VOPP1: variants seen among roughly 807,000 people sequenced by gnomAD.
VOPP1 encodes WW domain binding protein VOPP1.
Under a neutral mutation model 23.5 loss-of-function variants are expected in VOPP1, and 8 were observed. The observed-to-expected ratio is 0.34, with a 90% CI of 0.20 to 0.61. The LOEUF (loss-of-function observed/expected upper bound fraction) is 0.61, where lower values mean the gene tolerates loss of function less well. Ranked by LOEUF, VOPP1 falls within the 20% of genes least tolerant of loss-of-function variation. VOPP1 has a pLI of 0.78. For synonymous variants in VOPP1, 83 were observed against 97.3 expected, an observed-to-expected ratio of 0.85 and a Z score of 0.86; for missense variants, 174 against 238.1, an observed-to-expected ratio of 0.73 and a Z score of 1.77.
At chr7:55,508,443 A>T (rs1033909516) in intron 2 of VOPP1, among the ~76,000 whole-genome samples, 1 of 152,012 alleles carries the variant, frequency 6.6e-6, no homozygotes, top group Non-Finnish European at 1.5e-5. Flanking sequence ...AATTACAAAA[A>T]TTTTTTCTAC....
At chr7:55,516,123 A>C (rs964050115) in intron 2 of VOPP1, 1 of 538,302 alleles carries the variant, frequency 1.9e-6, no homozygotes, top group African/African-American at 2.1e-5. Flanking sequence ...TGTTACTAAG[A>C]GCAGACACCT....
chr7:55,503,332 T>C (rs1448219850), intron 2 of VOPP1, among the ~76,000 whole-genome samples: 3 of 152,050 alleles, frequency 2.0e-5, no homozygotes, highest in African/African-American at 7.2e-5. Flanking sequence ...GTGGGAGTTT[T>C]TGGAGCCTAA....
chr7:55,445,278 GACAC>G (rs757378648), intron 4 of VOPP1, among the ~76,000 whole-genome samples: 3 of 65,252 alleles, frequency 4.6e-5, no homozygotes, highest in African/African-American at 1.5e-4. Flanking sequence ...TACACACACA[GACAC>G]ACACACACAC....
At chr7:55,473,134 C>G (rs1791964478) in intron 4 of VOPP1, 89 bp from the exon 5 acceptor site, 2 of 1,513,404 alleles carry the variant, frequency 1.3e-6, no homozygotes, top group East Asian at 2.6e-5. Context: ...GCAGACCACG[C>G]CCCGTCATTC....
chr7:55,520,472 A>G (rs2129041040), intron 2 of VOPP1, among the ~76,000 whole-genome samples: 1 of 148,998 alleles, frequency 6.7e-6, no homozygotes, highest in Non-Finnish European at 1.5e-5. Flanking sequence ...CAGATATTAC[A>G]AACACACGAA....
At chr7:55,466,571 T>C (rs1218295533), downstream of VOPP1, among the ~76,000 whole-genome samples, 1 of 152,132 alleles carries the variant, frequency 6.6e-6, no homozygotes, top group Non-Finnish European at 1.5e-5. Flanking sequence ...AAGGTGGGAT[T>C]GGGATTGTGG....
intron 1 of VOPP1, among the ~76,000 whole-genome samples, chr7:55,565,561 T>C (rs566963917): frequency 3.3e-5 from 5 of 152,324 alleles, no homozygotes; most frequent in South Asian, 2.1e-4. Flanking sequence ...CATATGTTGA[T>C]AGGCTTAAGT....
intron 1 of VOPP1, among the ~76,000 whole-genome samples, chr7:55,552,021 CAAAAAAAAA>C (rs202229227): frequency 1.8e-5 from 1 of 55,806 alleles, no homozygotes; most frequent in Admixed American, 2.1e-4. Flanking sequence ...AGACTGTGTC[CAAAAAAAAA>C]AAAAAAAAAA....
chr7:55,509,770 C>T (rs941534638), intron 2 of VOPP1, among the ~76,000 whole-genome samples: 1 of 152,200 alleles, frequency 6.6e-6, no homozygotes, highest in Non-Finnish European at 1.5e-5. Context: ...TCTGCTCAGT[C>T]TTCTATTGAA....
intron 4 of VOPP1, among the ~76,000 whole-genome samples, chr7:55,446,075 C>T (rs571007545): frequency 4.6e-5 from 7 of 150,918 alleles, no homozygotes; most frequent in African/African-American, 1.7e-4. Flanking sequence ...TCACTGCAAG[C>T]TCTGCCTCCT....
chr7:55,477,486 T>C (rs1458979879), intron 4 of VOPP1, among the ~76,000 whole-genome samples: 1 of 152,140 alleles, frequency 6.6e-6, no homozygotes, highest in African/African-American at 2.4e-5. Context: ...AGCAAGCCTG[T>C]GCCAAGGCCG....
chr7:55,551,253 T>C (rs1288502210), intron 1 of VOPP1, among the ~76,000 whole-genome samples: 1 of 152,226 alleles, frequency 6.6e-6, no homozygotes, highest in Non-Finnish European at 1.5e-5. Context: ...CTATTTGCCA[T>C]GCTTGCTGCT....
intron 2 of VOPP1, among the ~76,000 whole-genome samples, chr7:55,511,791 C>T (rs1202555670): frequency 6.6e-6 from 1 of 152,218 alleles, no homozygotes; most frequent in East Asian, 1.9e-4. Context: ...TTGATGATAT[C>T]TCATGTCTGC....
At chr7:55,503,441 G>A (rs953793511) in intron 2 of VOPP1, among the ~76,000 whole-genome samples, 6 of 152,336 alleles carry the variant, frequency 3.9e-5, no homozygotes, top group South Asian at 4.1e-4. Flanking sequence ...TAAATCTCAC[G>A]AGAAGGAAAG....
chr7:55,570,223 C>T (rs1257363539), intron 1 of VOPP1, among the ~76,000 whole-genome samples: 2 of 152,186 alleles, frequency 1.3e-5, no homozygotes, highest in Non-Finnish European at 2.9e-5. Context: ...ATATAAATCT[C>T]ATACATAAAA....
intron 2 of VOPP1, among the ~76,000 whole-genome samples, chr7:55,515,324 T>C (rs145628194): frequency 0.011 from 1,670 of 152,240 alleles, 11 homozygotes; most frequent in Middle Eastern, 0.02. Context: ...ATATCAAAGA[T>C]GGGCTGGGAA....
chr7:55,539,235 C>T (rs1796997896), intron 1 of VOPP1, among the ~76,000 whole-genome samples: 1 of 152,110 alleles, frequency 6.6e-6, no homozygotes, highest in African/African-American at 2.4e-5. Flanking sequence ...ATCCCAGCTA[C>T]TCGGGAGGCT....
intron 2 of VOPP1, among the ~76,000 whole-genome samples, chr7:55,504,078 T>C (rs1036075335): frequency 2.0e-5 from 3 of 152,204 alleles, no homozygotes; most frequent in Non-Finnish European, 2.9e-5. Context: ...AATCCAATCC[T>C]TTCTCCTGCC....
intron 2 of VOPP1, among the ~76,000 whole-genome samples, chr7:55,517,347 T>C (rs1795526246): frequency 1.3e-5 from 2 of 151,970 alleles, no homozygotes; most frequent in African/African-American, 4.8e-5. Context: ...ATAGGTACCT[T>C]CCCTGTCCTG....
Sources: allele counts gnomAD v4.1 joint callset (sites outside exome capture counted in the v4.1 genomes callset), GRCh38; gene constraint gnomAD v4.1.1; transcripts MANE v1.5; gene names NCBI Gene and HGNC (gene_info 2026-07-23, HGNC 2026-07-21).